Variants in LRCOL1 observed in about 807,000 individuals in gnomAD.
LRCOL1 encodes the protein leucine rich colipase like 1, also known as leucine-rich colipase-like protein 1.
In LRCOL1, 21 loss-of-function variants were observed where a neutral mutation model predicts 21.6. That is an observed-to-expected ratio of 0.97 (90% confidence interval 0.69 to 1.40). The LOEUF (loss-of-function observed/expected upper bound fraction) is 1.40. Among genes scored for constraint, LRCOL1 ranks in the 40% most tolerant of loss-of-function variants. The pLI is 0.00. For synonymous variants in LRCOL1, 98 were observed against 90.1 expected (o/e 1.09, Z -0.49); for missense variants, 198 against 202.3 (o/e 0.98, Z 0.13).
Position 132,603,408 on chromosome 12 carries a change from A to T in LRCOL1, c.478-4T>A, listed in dbSNP as rs1460787641. ...GCCCAGGTTCGAGCTCACATCACTG[A>T]AGGAGAAGCCAAAGCTGAGGAAACG... On this transcript the variant is annotated splice_region_variant and splice_polypyrimidine_tract_variant and intron_variant, in intron 5 of 5. Transcript: ENST00000376608. The T allele has an allele frequency of 6.5e-7, 1 of 1,536,198 alleles. No individual in the cohort carries two copies. The highest frequency in any genetic ancestry group is 8.7e-7 in the Non-Finnish European group (1 of 1,146,892).
intron 2 of LRCOL1, 181 bp downstream of exon 2, chr12:132,605,966 A>C: frequency 1.6e-6 from 1 of 618,032 alleles, no homozygotes; most frequent in Non-Finnish European, 2.8e-6. Flanking sequence ...TGTGGCCAGG[A>C]GAGCGAGTGC....
rs1483976653 is a variant in LRCOL1, at chr12:132,606,079, G to T, written c.105+68C>A. The T allele has an allele frequency of 3.4e-6, 5 of 1,479,722 alleles. No individual in the cohort carries two copies. The highest frequency in any genetic ancestry group is 2.8e-5 in the African/African-American group (2 of 71,756). The allele number at this position is 1,479,722 out of a possible 1,614,324, so 91.7% of individuals were successfully genotyped here. ...CGGGTGGGGACTGCAAGGGCCTCAG[G>T]GGCGCCCGGCACCCACCTTATGGCG... On this transcript the variant is annotated intron_variant, in intron 2 of 5. Transcript: ENST00000376608. This position sits in a 1 kb window ranked among gnomAD's most constrained non-coding sequence, Gnocchi z 4.6.
Position 132,603,354 on chromosome 12 carries a change from A to C in LRCOL1, c.*48T>G. Reference sequence around the variant, plus strand: ...CCCCGCGCAACGCGGTCCTGCGTGAACATCCCAGGGCCCAGGCCGGTCCCT... The same window carrying C: ...CCCCGCGCAACGCGGTCCTGCGTGACCATCCCAGGGCCCAGGCCGGTCCCT... On this transcript the variant is annotated 3_prime_UTR_variant, in exon 6 of 6. Coordinates refer to ENST00000376608, the MANE Select transcript of LRCOL1 (RefSeq NM_001195520.2). 6.5e-7 allele frequency: 1 copy of C among 1,535,874 alleles called. No homozygotes were observed. The highest frequency in any genetic ancestry group is 8.7e-7 in the Non-Finnish European group (1 of 1,146,698).
chr12:132,604,241 G>T lies in LRCOL1; in HGVS notation c.477+13C>A. 1 of 1,526,692 alleles carries T rather than the reference G, an allele frequency of 6.6e-7. No homozygotes were observed. The highest frequency in any genetic ancestry group is 8.8e-7 in the Non-Finnish European group (1 of 1,142,208). The allele number at this position is 1,526,692 out of a possible 1,614,324, so 94.6% of individuals were successfully genotyped here. ...GGGAGGGCCTGGAGGCTGAGCCCCCGCCCGGGACTTACCAGGGGCAGGCAC... is the reference window on the plus strand; with the variant it reads ...GGGAGGGCCTGGAGGCTGAGCCCCCTCCCGGGACTTACCAGGGGCAGGCAC... On this transcript the variant is annotated intron_variant, in intron 5 of 5. Transcript: ENST00000376608.
intron 2 of LRCOL1, chr12:132,605,073 T>TGAG (rs2041287529): frequency 7.5e-7 from 1 of 1,337,554 alleles, no homozygotes; most frequent in African/African-American, 1.5e-5. Flanking sequence ...ACCAAGGCAC[T>TGAG]GAGGGCAAGG....
At chr12:132,603,545 C>T in intron 5 of LRCOL1, 141 bp from the exon 6 acceptor site, 1 of 1,498,266 alleles carries the variant, frequency 6.7e-7, no homozygotes, top group South Asian at 1.3e-5. Flanking sequence ...GGCCGACGCC[C>T]ACGCTCAGCT....
At position 132,606,400 on chromosome 12, in the gene LRCOL1, T is replaced by C; in HGVS notation, c.-13-136A>G. The C allele has an allele frequency of 1.4e-6, 1 of 733,892 alleles. No homozygotes were observed. The highest frequency in any genetic ancestry group is 2.2e-6 in the Non-Finnish European group (1 of 461,602). The allele number at this position is 733,892 out of a possible 1,614,324, so 45.5% of individuals were successfully genotyped here. A position where few individuals can be genotyped will look rare whatever the true frequency, so the allele number is the denominator to read the frequency against. Reference sequence around the variant, plus strand: ...GCAAGACAGACTTTTAAAAACTTAATGGACTTTATTTTCTAAAGCAGTTTT... The same window carrying C: ...GCAAGACAGACTTTTAAAAACTTAACGGACTTTATTTTCTAAAGCAGTTTT... On this transcript the variant is annotated intron_variant, in intron 1 of 5. Transcript: ENST00000376608. This position sits in a 1 kb window ranked among gnomAD's most constrained non-coding sequence, Gnocchi z 4.6.
intron 2 of LRCOL1, 154 bp from the exon 3 acceptor site, chr12:132,604,985 G>A (rs542002561): frequency 9.7e-6 from 14 of 1,448,622 alleles, no homozygotes; most frequent in African/African-American, 7.1e-5. Context: ...CCAGACTGCC[G>A]TGGTTCTGGC....
chr12:132,604,513 C>G lies in LRCOL1; in HGVS notation c.303G>C (p.Gln101His), dbSNP rs2041276196. 1.3e-6 allele frequency: 2 copies of G among 1,536,062 alleles called. No homozygotes were observed. The highest frequency in any genetic ancestry group is 1.2e-5 in the South Asian group (1 of 84,064). The change falls in exon 4 of 6, where the codon CAG (glutamine) becomes CAC (histidine). Residue 101 changes from glutamine (Q) to histidine (H), a missense_variant. Coordinates refer to ENST00000376608, the MANE Select transcript of LRCOL1 (RefSeq NM_001195520.2). ...SSCCVRNNSP[Q>H]ELCTPQSVFL... ...AGACGCTTTGGGGCGTGCACAACTCCTGCGGGCTGTTGTTGCGGACGCAGC... is the reference window on the plus strand; with the variant it reads ...AGACGCTTTGGGGCGTGCACAACTCGTGCGGGCTGTTGTTGCGGACGCAGC...
chr12:132,609,141 C>A (rs1361041733), intron 1 of LRCOL1, among the ~76,000 whole-genome samples: 2 of 152,210 alleles, frequency 1.3e-5, no homozygotes, highest in Non-Finnish European at 2.9e-5. Context: ...CCAGGGGCCA[C>A]ACAGCCACCC....
intron 5 of LRCOL1, chr12:132,603,629 ACCCGAGGGCGCCTG>A: frequency 1.1e-5 from 1 of 90,862 alleles, no homozygotes; most frequent in Non-Finnish European, 1.3e-5. Context: ...GCCTGGTGGT[ACCCGAGGGCGCCTG>A]GTGGTACCCG....
rs2041270470 is a variant in LRCOL1, at chr12:132,604,286, G to A, written c.445C>T (p.Arg149Trp). Reference sequence around the variant, plus strand: ...AGGCACTGGGCCAGGATCCCGGTCCGGGGAATGCAGCGGAAGGGGCTGTAC... The same window carrying A: ...AGGCACTGGGCCAGGATCCCGGTCCAGGGAATGCAGCGGAAGGGGCTGTAC... ...REYSPFRCIPRTGILAQCLPL is the reference protein window; with the variant it reads ...REYSPFRCIPWTGILAQCLPL Residue 149 changes from arginine to tryptophan, a missense_variant, in exon 5 of 6, where the codon CGG (arginine) becomes TGG (tryptophan). Arg to Trp is a moderately radical substitution (Grantham distance 101). Coordinates refer to ENST00000376608, the MANE Select transcript of LRCOL1 (RefSeq NM_001195520.2). 3.9e-6 allele frequency: 6 copies of A among 1,535,462 alleles called. No individual in the cohort carries two copies. Among genetic ancestry groups the A allele is most frequent in the Admixed American group, 2.0e-5 (1 of 50,964 alleles).
chr12:132,605,156 C>T (rs2041288707), intron 2 of LRCOL1: 9 of 1,150,740 alleles, frequency 7.8e-6, no homozygotes, highest in African/African-American at 1.6e-5. Context: ...AAGAAACAGG[C>T]TCAGGGAAGG....
chr12:132,603,872 G>A, intron 5 of LRCOL1: 1 of 1,178,452 alleles, frequency 8.5e-7, no homozygotes, highest in Non-Finnish European at 1.1e-6. Flanking sequence ...AGAGGTCGGG[G>A]GAGGGAGGGG....
At chr12:132,603,512 TG>T in intron 5 of LRCOL1, 108 bp from the exon 6 acceptor site, 1 of 1,533,572 alleles carries the variant, frequency 6.5e-7, no homozygotes, top group Non-Finnish European at 8.7e-7. Flanking sequence ...ACCAGCCTCG[TG>T]GGGGTCGGGA....
chr12:132,603,506 G>T (rs2041253639), intron 5 of LRCOL1, 102 bp from the exon 6 acceptor site: 1 of 1,534,164 alleles, frequency 6.5e-7, no homozygotes, highest in Non-Finnish European at 8.7e-7. Context: ...CCCGGCACCA[G>T]CCTCGTGGGG....
At chr12:132,603,444 G>C in intron 5 of LRCOL1, 40 bp from the exon 6 acceptor site, 4 of 1,536,088 alleles carry the variant, frequency 2.6e-6, no homozygotes, top group Non-Finnish European at 3.5e-6. Context: ...TGCAGGGGAC[G>C]GGCCTCGAAG....
intron 2 of LRCOL1, chr12:132,605,262 A>T (rs2041291225): frequency 2.9e-6 from 1 of 347,728 alleles, no homozygotes; most frequent in Non-Finnish European, 4.0e-6. Flanking sequence ...CCACCCACAC[A>T]CACGCAAGGT....
chr12:132,605,312 T>TCA, intron 2 of LRCOL1: 1 of 171,188 alleles, frequency 5.8e-6, no homozygotes, highest in East Asian at 1.9e-4. Context: ...TTGCTCAGAG[T>TCA]GTTGTGGATG....
Sources: gnomAD v4.1 joint callset for allele counts (sites outside exome capture counted in the v4.1 genomes callset) on GRCh38, gnomAD v4.1.1 for gene constraint, Gnocchi (gnomAD v3.1) non-coding constraint, MANE v1.5 for transcripts, NCBI Gene and HGNC (gene_info 2026-07-23, HGNC 2026-07-21) for gene names.